Variants in AKAP7 observed in about 807,000 individuals in gnomAD.
AKAP7 encodes A-kinase anchoring protein 7.
A neutral mutation model predicts 39.5 loss-of-function variants in AKAP7; 39 were observed. That is an observed-to-expected ratio of 0.99 (90% CI 0.76 to 1.29). AKAP7 has a LOEUF of 1.29. Ranked by LOEUF, AKAP7 falls within the 50% of genes most tolerant of loss-of-function variation. AKAP7 has a pLI of 0.00. For synonymous variants in AKAP7, 140 were observed against 139.1 expected, an observed-to-expected ratio of 1.01 and a Z score of -0.05; for missense variants, 414 against 407.7, an observed-to-expected ratio of 1.02 and a Z score of -0.13.
In AKAP7 at chr6:131,157,333, C is replaced by T. The variant is rs181356108; in HGVS notation, c.152-2726C>T. ...CATCTAAAATCACACAGTCACACAG[C>T]TAGTATGTGGGAGAGCCAGGATTCT... is the stretch of plus-strand genomic sequence containing the variant. On this transcript the variant is annotated intron_variant, in intron 2 of 7. Coordinates refer to ENST00000431975, the MANE Select transcript of AKAP7 (RefSeq NM_016377.4). 2.1e-3 allele frequency among the ~76,000 whole-genome samples: 319 copies of T among 152,248 alleles called. 1 individual carries two copies. The highest frequency in any genetic ancestry group is 3.3e-3 in the Non-Finnish European group (227 of 68,018).
chr6:131,134,193 A>C (rs1285558833), upstream of AKAP7, among the ~76,000 whole-genome samples: 1 of 152,150 alleles, frequency 6.6e-6, no homozygotes, highest in Admixed American at 6.5e-5. Flanking sequence ...GCTGGTTTCA[A>C]ACTCCTGGAC....
upstream of AKAP7, among the ~76,000 whole-genome samples, chr6:131,132,057 A>G (rs1466657371): frequency 6.6e-6 from 1 of 152,208 alleles, no homozygotes; most frequent in East Asian, 1.9e-4. Flanking sequence ...TCACAACTGT[A>G]ATCCCAGCAC....
intron 5 of AKAP7, among the ~76,000 whole-genome samples, chr6:131,175,361 A>G (rs1421266919): frequency 6.6e-6 from 1 of 152,136 alleles, no homozygotes; most frequent in African/African-American, 2.4e-5. Context: ...GTGTTGTTCA[A>G]AGTTTGAGTC....
intron 5 of AKAP7, among the ~76,000 whole-genome samples, chr6:131,198,536 G>A (rs1278658122): frequency 6.6e-6 from 1 of 152,008 alleles, no homozygotes; most frequent in Non-Finnish European, 1.5e-5. Flanking sequence ...TTTCCTAGGT[G>A]GTACTAAAAG....
At chr6:131,131,823 G>A (rs942742900), upstream of AKAP7, among the ~76,000 whole-genome samples, 1 of 152,104 alleles carries the variant, frequency 6.6e-6, no homozygotes, top group Non-Finnish European at 1.5e-5. Flanking sequence ...CATAGCTGCG[G>A]TCCCCTGTGA....
At chr6:131,218,352 GAC>G (rs1406016687) in intron 6 of AKAP7, among the ~76,000 whole-genome samples, 2 of 152,136 alleles carry the variant, frequency 1.3e-5, no homozygotes, top group Non-Finnish European at 1.5e-5. Flanking sequence ...ATTATATTAT[GAC>G]ACAGCATATT....
chr6:131,200,113 G>A (rs974485278), intron 6 of AKAP7: 2 of 155,242 alleles, frequency 1.3e-5, no homozygotes, highest in African/African-American at 4.8e-5. Flanking sequence ...CTTTCCTGGA[G>A]GTACTTTAAA....
upstream of AKAP7, among the ~76,000 whole-genome samples, chr6:131,132,654 A>C (rs571459159): frequency 6.6e-6 from 1 of 152,132 alleles, no homozygotes; most frequent in South Asian, 2.1e-4. Flanking sequence ...AATGTCACAC[A>C]TTCTGGATTG....
chr6:131,169,943 T>C (rs891441169), intron 5 of AKAP7, among the ~76,000 whole-genome samples: 2 of 152,038 alleles, frequency 1.3e-5, no homozygotes, highest in African/African-American at 4.8e-5. Context: ...TTTTTTTTCT[T>C]TCTATCTATT....
chr6:131,245,305 G>GTGCA (rs1811908389), intron 7 of AKAP7, among the ~76,000 whole-genome samples: 1 of 149,058 alleles, frequency 6.7e-6, no homozygotes, highest in Non-Finnish European at 1.5e-5. Flanking sequence ...GAGTGCAGTA[G>GTGCA]TGCAACTCGA....
chr6:131,185,739 G>A (rs1049301841), intron 5 of AKAP7, among the ~76,000 whole-genome samples: 7 of 152,110 alleles, frequency 4.6e-5, no homozygotes, highest in African/African-American at 2.4e-5. Flanking sequence ...TCAGATATAC[G>A]ATTTGCAAAT....
In AKAP7 at chr6:131,282,508, G is replaced by C; in HGVS notation, c.*782G>C. ...TAAAGGAACTTTTATTAAAGCCTGAGACTCAGGCCAGAATTAGGAGGGAGC... is the reference window on the plus strand; with the variant it reads ...TAAAGGAACTTTTATTAAAGCCTGACACTCAGGCCAGAATTAGGAGGGAGC... On this transcript the variant is annotated 3_prime_UTR_variant, in exon 8 of 8. Transcript: ENST00000431975. 6.5e-7 allele frequency: 1 copy of C among 1,535,864 alleles called. No individual in the cohort carries two copies. The highest frequency in any genetic ancestry group is 8.7e-7 in the Non-Finnish European group (1 of 1,146,802).
At chr6:131,233,142 T>TA (rs34516817) in intron 7 of AKAP7, among the ~76,000 whole-genome samples, 18,580 of 152,004 alleles carry the variant, frequency 0.12, 1,308 homozygotes, top group Non-Finnish European at 0.15. Flanking sequence ...AGTGTTATTT[T>TA]AAAAAAACCT....
At chr6:131,134,064 T>G (rs1197062056), upstream of AKAP7, among the ~76,000 whole-genome samples, 2 of 152,160 alleles carry the variant, frequency 1.3e-5, no homozygotes, top group African/African-American at 4.8e-5. Context: ...CTCCACCTCC[T>G]GGGCTCCAGC....
chr6:131,203,553 G>C (rs1434672752), intron 6 of AKAP7, among the ~76,000 whole-genome samples: 1 of 151,974 alleles, frequency 6.6e-6, no homozygotes, highest in African/African-American at 2.4e-5. Flanking sequence ...CTGAATATAT[G>C]CTTACTGTAA....
chr6:131,181,671 T>C (rs925738146), intron 5 of AKAP7, among the ~76,000 whole-genome samples: 1 of 152,186 alleles, frequency 6.6e-6, no homozygotes, highest in African/African-American at 2.4e-5. Context: ...TTTCTTGTGT[T>C]GTCCATGCTG....
intron 7 of AKAP7, among the ~76,000 whole-genome samples, chr6:131,244,713 T>C (rs1031324601): frequency 2.0e-5 from 3 of 152,200 alleles, no homozygotes; most frequent in Admixed American, 2.0e-4. Flanking sequence ...GGAATGACTC[T>C]TGTGGATTGG....
chr6:131,151,105 T>G (rs970075677), intron 2 of AKAP7, among the ~76,000 whole-genome samples: 6 of 152,042 alleles, frequency 3.9e-5, no homozygotes, highest in Non-Finnish European at 7.4e-5. Context: ...TGTAGTGGTG[T>G]GATCTCAGCC....
In AKAP7 at chr6:131,201,933, A is replaced by G. The variant is rs576090641; in HGVS notation, c.702+2360A>G. 4.6e-5 allele frequency among the ~76,000 whole-genome samples: 7 copies of G among 152,352 alleles called. No individual in the cohort carries two copies. In the South Asian group the frequency reaches 1.4e-3, roughly 32 times the overall value. On this transcript the variant is annotated intron_variant, in intron 6 of 7. Coordinates refer to ENST00000431975, the MANE Select transcript of AKAP7 (RefSeq NM_016377.4). The stretch of plus-strand genomic sequence containing the variant: ...TGCAGCGTTATCAACAAACAACCCT[A>G]TCAAAAAGTGGGTGAAGGACATGAA...
Sources: gnomAD v4.1 joint callset for allele counts (sites outside exome capture counted in the v4.1 genomes callset) on GRCh38, gnomAD v4.1.1 for gene constraint, MANE v1.5 for transcripts, NCBI Gene and HGNC (gene_info 2026-07-23, HGNC 2026-07-21) for gene names.